The following ZNF423 variants were observed in gnomAD, a reference collection of about 807,000 sequenced individuals.
The protein encoded by ZNF423 is Ebf-associated zinc finger protein.
In ZNF423, 12 loss-of-function variants were observed where a neutral mutation model predicts 95.8. The observed-to-expected ratio is 0.13, with a 90% CI of 0.08 to 0.20. ZNF423 has a LOEUF of 0.20. Ranked by LOEUF, ZNF423 falls within the 10% of genes least tolerant of loss-of-function variation. The pLI, the probability that ZNF423 is intolerant of heterozygous loss-of-function variation, is 1.00. For synonymous variants in ZNF423, 749 were observed against 711.9 expected, an observed-to-expected ratio of 1.05 and a Z score of -0.83; for missense variants, 1,316 against 1,737.1, an observed-to-expected ratio of 0.76 and a Z score of 4.31.
At chr16:49,825,452 C>CT (rs549876664) in intron 1 of ZNF423, among the ~76,000 whole-genome samples, 110 of 149,776 alleles carry the variant, frequency 7.3e-4, no homozygotes, top group African/African-American at 2.0e-3. Flanking sequence ...ATAATATATA[C>CT]TTTTTTTTTT....
chr16:49,829,632 G>A (rs533593164), intron 1 of ZNF423, among the ~76,000 whole-genome samples: 15 of 152,186 alleles, frequency 9.9e-5, no homozygotes, highest in East Asian at 1.9e-4. Context: ...AGCCCACTCC[G>A]CTGCACAGGT....
At chr16:49,612,284 C>A (rs1055392475) in intron 5 of ZNF423, among the ~76,000 whole-genome samples, 28 of 151,572 alleles carry the variant, frequency 1.8e-4, no homozygotes, top group African/African-American at 6.3e-4. Flanking sequence ...GAAGTATACA[C>A]CATGACCAAA....
chr16:49,586,821 C>T (rs1056994253), intron 5 of ZNF423, among the ~76,000 whole-genome samples: 1 of 152,214 alleles, frequency 6.6e-6, no homozygotes, highest in Admixed American at 6.5e-5. Flanking sequence ...CGAGCCAGTC[C>T]CCGGATGCCA....
chr16:49,647,167 A>C lies in ZNF423; in HGVS notation c.302-8293T>G, dbSNP rs1596785265. Among the ~76,000 whole-genome samples, 3 of 152,322 alleles carry C rather than the reference A, an allele frequency of 2.0e-5. No homozygotes were observed. In the South Asian group the frequency reaches 6.2e-4, roughly 32 times the overall value. The stretch of plus-strand genomic sequence containing the variant: ...GTCCACCATGCACAAGCACAGTACC[A>C]GGCCCCGTGACTTGAACCAGGTACA... On this transcript the variant is annotated intron_variant, in intron 3 of 7. Coordinates refer to ENST00000563137, the MANE Select transcript of ZNF423 (RefSeq NM_001379286.1).
At chr16:49,662,261 C>A (rs988894245) in intron 3 of ZNF423, among the ~76,000 whole-genome samples, 3 of 152,158 alleles carry the variant, frequency 2.0e-5, no homozygotes, top group Admixed American at 6.5e-5. Context: ...GAGGTTTGGT[C>A]CCTTCCAATG....
intron 1 of ZNF423, among the ~76,000 whole-genome samples, chr16:49,829,749 C>A (rs1246945031): frequency 1.3e-5 from 2 of 152,230 alleles, no homozygotes; most frequent in East Asian, 3.9e-4. Context: ...GCTCCATGGG[C>A]TCATGGAGAA....
chr16:49,853,532 A>G (rs2035324691), intron 1 of ZNF423: 1 of 702,790 alleles, frequency 1.4e-6, no homozygotes, highest in African/African-American at 1.9e-5. Context: ...CTGCGGACAG[A>G]AAGGCTCTGT....
intron 3 of ZNF423, among the ~76,000 whole-genome samples, chr16:49,682,693 G>A (rs964505223): frequency 6.6e-6 from 1 of 152,216 alleles, no homozygotes; most frequent in African/African-American, 2.4e-5. Context: ...GGACTGCCCA[G>A]GTTCAAACAC....
intron 3 of ZNF423, among the ~76,000 whole-genome samples, chr16:49,647,696 T>C (rs1016279398): frequency 6.6e-6 from 1 of 152,216 alleles, no homozygotes; most frequent in Non-Finnish European, 1.5e-5. Context: ...GATTTTTCCC[T>C]AAGAGCATCC....
In ZNF423 at chr16:49,513,664, T is replaced by C. The variant is rs557299032; in HGVS notation, c.3849+9960A>G. Among the ~76,000 whole-genome samples, 541 of 136,252 alleles carry C rather than the reference T, an allele frequency of 4.0e-3. 2 individuals are homozygous for C. The highest frequency in any genetic ancestry group is 0.015 in the African/African-American group (519 of 34,940). 89.4% of individuals were successfully genotyped at this position (136,252 alleles called of 152,430 possible). A position where few individuals can be genotyped will look rare whatever the true frequency, so the allele number is the denominator to read the frequency against. ...ATGGATGGATGGATGGATGGATGGA[T>C]GGATGGATGGACGGACGGATGGCAA... On this transcript the variant is annotated intron_variant, in intron 7 of 7. Coordinates refer to ENST00000563137, the MANE Select transcript of ZNF423 (RefSeq NM_001379286.1).
chr16:49,790,614 G>T (rs1166937189), intron 1 of ZNF423, among the ~76,000 whole-genome samples: 1 of 152,248 alleles, frequency 6.6e-6, no homozygotes, highest in Non-Finnish European at 1.5e-5. Context: ...CACATGGAAG[G>T]CATGTACAAC....
chr16:49,684,313 C>G (rs535161133), intron 3 of ZNF423, among the ~76,000 whole-genome samples: 1 of 152,204 alleles, frequency 6.6e-6, no homozygotes, highest in African/African-American at 2.4e-5. Context: ...GTCTGAGATT[C>G]ATCCATTGAA....
intron 2 of ZNF423, among the ~76,000 whole-genome samples, chr16:49,735,669 C>T (rs956165764): frequency 9.9e-5 from 15 of 152,138 alleles, no homozygotes; most frequent in African/African-American, 3.6e-4. Context: ...TGGGACACTC[C>T]CCCTTCAAGC....
intron 3 of ZNF423, among the ~76,000 whole-genome samples, chr16:49,672,893 T>C (rs746277705): frequency 2.6e-5 from 4 of 152,108 alleles, no homozygotes; most frequent in Admixed American, 6.5e-5. Flanking sequence ...CATCTGTAAA[T>C]GTACCGAGTG....
intron 5 of ZNF423, among the ~76,000 whole-genome samples, chr16:49,618,551 G>A (rs78513305): frequency 0.031 from 4,788 of 152,076 alleles, 100 homozygotes; most frequent in Non-Finnish European, 0.044. Context: ...CTCTCCTGCC[G>A]CCATGTAAGA....
intron 3 of ZNF423, among the ~76,000 whole-genome samples, chr16:49,719,478 G>A (rs377230781): frequency 1.3e-5 from 2 of 152,316 alleles, no homozygotes; most frequent in East Asian, 3.9e-4. Context: ...GTAACACTTG[G>A]GTGATATAGT....
chr16:49,817,585 G>T (rs1417939756), intron 1 of ZNF423, among the ~76,000 whole-genome samples: 2 of 152,294 alleles, frequency 1.3e-5, no homozygotes, highest in Middle Eastern at 3.4e-3. Context: ...GCCTGATACC[G>T]CCTTAGCCTG....
At chr16:49,823,816 A>G (rs2034974669) in intron 1 of ZNF423, among the ~76,000 whole-genome samples, 1 of 152,160 alleles carries the variant, frequency 6.6e-6, no homozygotes, top group South Asian at 2.1e-4. Flanking sequence ...TTTGTGTTAA[A>G]GGGGCCGGGC....
At chr16:49,692,989 C>T (rs1162314429) in intron 3 of ZNF423, among the ~76,000 whole-genome samples, 2 of 152,218 alleles carry the variant, frequency 1.3e-5, no homozygotes, top group African/African-American at 4.8e-5. Context: ...TCGTAGAATG[C>T]CTCTGTGAGT....
Sources: allele counts gnomAD v4.1 joint callset (sites outside exome capture counted in the v4.1 genomes callset), GRCh38; gene constraint gnomAD v4.1.1; transcripts MANE v1.5; gene names NCBI Gene and HGNC (gene_info 2026-07-23, HGNC 2026-07-21).